MAN2B1: variants seen among roughly 807,000 people sequenced by gnomAD.
The protein encoded by MAN2B1 is mannosidase alpha class 2B member 1, also known as lysosomal alpha-mannosidase.
MAN2B1 carries 99 observed loss-of-function variants against 127.5 expected under a neutral mutation model. That is an observed-to-expected ratio of 0.78 (90% confidence interval 0.66 to 0.92). MAN2B1 has a LOEUF of 0.92. MAN2B1 is among the 40% of genes least tolerant of loss of function. The pLI is 0.00. For missense variants in MAN2B1, 1,304 were observed against 1,384.8 expected (o/e 0.94, Z 0.93); for synonymous variants, 573 against 568.8 (o/e 1.01, Z -0.11).
chr19:12,666,490 A>T, intron 1 of MAN2B1, 53 bp downstream of exon 1: 2 of 1,550,446 alleles, frequency 1.3e-6, no homozygotes, highest in South Asian at 2.4e-5. Flanking sequence ...TCTAGACTGT[A>T]TTCTGGGTTT....
chr19:12,658,691 T>C (rs1355224571), intron 7 of MAN2B1, 181 bp from the exon 8 acceptor site: 1 of 623,442 alleles, frequency 1.6e-6, no homozygotes. Flanking sequence ...ACATGACCAC[T>C]AGCCTTTTTT....
intron 16 of MAN2B1, among the ~76,000 whole-genome samples, chr19:12,651,073 T>G (rs952890592): frequency 6.6e-5 from 10 of 150,560 alleles, no homozygotes; most frequent in African/African-American, 2.4e-4. Context: ...GCGATCCTCC[T>G]GCTTCAGTCT....
At chr19:12,662,963 A>C (rs2024143231) in intron 6 of MAN2B1, among the ~76,000 whole-genome samples, 2 of 147,692 alleles carry the variant, frequency 1.4e-5, no homozygotes, top group South Asian at 4.3e-4. Context: ...ATAATAAATA[A>C]ATAAAAATGT....
chr19:12,660,003 T>C (rs924689437), intron 7 of MAN2B1, among the ~76,000 whole-genome samples: 3 of 152,066 alleles, frequency 2.0e-5, no homozygotes, highest in African/African-American at 7.2e-5. Flanking sequence ...GAGACAAGTT[T>C]CTGTGCTGAT....
intron 7 of MAN2B1, among the ~76,000 whole-genome samples, chr19:12,660,504 A>C (rs1203117690): frequency 5.9e-5 from 9 of 152,160 alleles, no homozygotes; most frequent in Non-Finnish European, 1.2e-4. Flanking sequence ...TCCGTCTCTA[A>C]GTAAATAAAT....
rs772676276 is a variant in MAN2B1, at chr19:12,666,508, C to T, written c.159+35G>A. The T allele has an allele frequency of 2.6e-6, 4 of 1,562,204 alleles. No homozygotes were observed. In the South Asian group the frequency reaches 3.5e-5, roughly 14 times the overall value. On this transcript the variant is annotated intron_variant, in intron 1 of 23. Transcript: ENST00000456935. ...AGACTGTATTCTGGGTTTCACTCTG[C>T]CTCCTGTACGTTTCAGCTCGGAGGC...
At position 12,646,992 on chromosome 19, in the gene MAN2B1, A is replaced by G. The variant is rs1033359646; in HGVS notation, c.2923+241T>C. 3 of 607,656 alleles carry G rather than the reference A, an allele frequency of 4.9e-6. No homozygotes were observed. The African/African-American group carries it at 5.6e-5, about 11-fold the overall frequency. 37.6% of individuals were successfully genotyped at this position (607,656 alleles called of 1,614,324 possible). Reference sequence around the variant, plus strand: ...GATGAACACCCTCCCAGAACTAGACATGGATGGGGATTTTCAAATCTTGTT... The same window carrying G: ...GATGAACACCCTCCCAGAACTAGACGTGGATGGGGATTTTCAAATCTTGTT... On this transcript the variant is annotated intron_variant, in intron 23 of 23. Coordinates refer to ENST00000456935, the MANE Select transcript of MAN2B1 (RefSeq NM_000528.4).
rs1190090898 is a variant in MAN2B1 at position 12,647,151 on chromosome 19, C to T, written c.2923+82G>A. The T allele has an allele frequency of 7.6e-7, 1 of 1,318,540 alleles. No individual in the cohort carries two copies. The highest frequency in any genetic ancestry group is 1.1e-6 in the Non-Finnish European group (1 of 912,628). 81.7% of individuals were successfully genotyped at this position (1,318,540 alleles called of 1,614,324 possible). ...CATGACCTTTTTGGGTCCTGGCCAA[C>T]ATCCCATGCCTCACACATTGCCCCC... On this transcript the variant is annotated intron_variant, in intron 23 of 23. Transcript: ENST00000456935. The surrounding 1 kb of genome is among the most constrained non-coding windows in gnomAD (Gnocchi z 4.9).
rs757072948 is a variant in MAN2B1 at position 12,647,269 on chromosome 19, C to A, written c.2887G>T (p.Glu963Ter). 1.2e-6 allele frequency: 2 copies of A among 1,614,102 alleles called. No homozygotes were observed. ...ETTLVANQLR[E>*]AASRLKWTTN... ...GTCCACTTGAGCCTGGAGGCTGCCT[C>A]GCGGAGCTGGTTGGCCACCAGCGTG... Residue 963 changes from glutamate to a stop codon, truncating the protein, a stop_gained, in exon 23 of 24, where the codon GAG becomes TAG. Transcript: ENST00000456935. LOFTEE classifies it low-confidence loss of function (END_TRUNC). This position sits in a 1 kb window ranked among gnomAD's most constrained non-coding sequence, Gnocchi z 4.9.
intron 20 of MAN2B1, 32 bp downstream of exon 20, chr19:12,649,104 C>A (rs2023772472): frequency 6.3e-7 from 1 of 1,594,452 alleles, no homozygotes; most frequent in South Asian, 1.1e-5. Context: ...GTTGGGAGGA[C>A]CCTGGCTCGG....
At chr19:12,665,164 C>T in intron 3 of MAN2B1, 179 bp from the exon 4 acceptor site, 1 of 1,030,688 alleles carries the variant, frequency 9.7e-7, no homozygotes, top group East Asian at 2.4e-5. Context: ...TGGCAGGCTT[C>T]CCAGAGGATG....
chr19:12,650,290 C>T (rs2023812237), intron 16 of MAN2B1, 68 bp from the exon 17 acceptor site: 9 of 954,080 alleles, frequency 9.4e-6, no homozygotes, highest in South Asian at 1.3e-5. Context: ...CAAATGTCCC[C>T]CAACCCTGGC....
At chr19:12,650,828 C>T (rs1431035325) in intron 16 of MAN2B1, among the ~76,000 whole-genome samples, 3 of 151,790 alleles carry the variant, frequency 2.0e-5, no homozygotes, top group Admixed American at 6.6e-5. Flanking sequence ...TGCCACCACC[C>T]CTGGCTAATT....
intron 7 of MAN2B1, chr19:12,660,992 C>G: frequency 2.6e-6 from 1 of 387,042 alleles, no homozygotes; most frequent in Non-Finnish European, 5.0e-6. Context: ...TTCCTGACCT[C>G]GTGATCTGCC....
In MAN2B1 at chr19:12,666,538, C is replaced by G; in HGVS notation, c.159+5G>C. The G allele has an allele frequency of 6.3e-7, 1 of 1,580,468 alleles. No individual in the cohort carries two copies. The highest frequency in any genetic ancestry group is 8.6e-7 in the Non-Finnish European group (1 of 1,163,348). On this transcript the variant is annotated splice_donor_5th_base_variant and intron_variant, in intron 1 of 23. Coordinates refer to ENST00000456935, the MANE Select transcript of MAN2B1 (RefSeq NM_000528.4). ...TGTACGTTTCAGCTCGGAGGCCCCA[C>G]TCACCTCGTATCCCCCGGCCCGAGC...
At chr19:12,652,531 T>A in intron 14 of MAN2B1, 71 bp from the exon 15 acceptor site, 1 of 993,098 alleles carries the variant, frequency 1.0e-6, no homozygotes. Flanking sequence ...TAATTTTTCT[T>A]TTTTCTTTTT....
rs1295883552 is a variant in MAN2B1 at position 12,658,466 on chromosome 19, A to G, written c.1071T>C (p.Ala357=). 2.5e-6 allele frequency: 4 copies of G among 1,614,176 alleles called. No homozygotes were observed. Among genetic ancestry groups the G allele is most frequent in the Non-Finnish European group, 3.4e-6 (4 of 1,180,026 alleles). The change falls in exon 8 of 24, where the codon GCT becomes GCC. Residue 357 remains alanine, a synonymous_variant. Transcript: ENST00000456935. ...SSVHVLYSTP[A]CYLWELNKAN... is the part of the protein sequence containing the mutation. ...CCTTGTTCAGCTCCCAGAGGTAACA[A>G]GCGGGGGTGGAGTAGAGAACATGGA...
chr19:12,660,858 A>G (rs534300126), intron 7 of MAN2B1: 3 of 275,636 alleles, frequency 1.1e-5, no homozygotes, highest in African/African-American at 6.8e-5. Context: ...TCCCGGATTC[A>G]AGAGATTCCC....
At chr19:12,666,396 CA>C (rs2024241179) in intron 1 of MAN2B1, 146 bp downstream of exon 1, 1 of 886,718 alleles carries the variant, frequency 1.1e-6, no homozygotes, top group Non-Finnish European at 1.8e-6. Flanking sequence ...CCAGACCTCG[CA>C]ATGACACAAA....
Sources: allele counts gnomAD v4.1 joint callset (sites outside exome capture counted in the v4.1 genomes callset), GRCh38; gene constraint gnomAD v4.1.1; non-coding constraint Gnocchi (gnomAD v3.1); transcripts MANE v1.5; gene names NCBI Gene and HGNC (gene_info 2026-07-23, HGNC 2026-07-21).